The following CNTNAP2 variants were observed in gnomAD, a reference collection of about 807,000 sequenced individuals.
The protein encoded by CNTNAP2 is contactin-associated protein-like 2.
CNTNAP2 carries 98 observed loss-of-function variants against 155.2 expected under a neutral mutation model. The ratio of observed to expected loss-of-function variants is 0.63; its 90% CI spans 0.54 to 0.75. The LOEUF (loss-of-function observed/expected upper bound fraction) is 0.75. CNTNAP2 is among the 30% of genes least tolerant of loss of function. CNTNAP2 has a pLI of 0.00. For missense variants in CNTNAP2, 1,727 were observed against 1,688.1 expected, an observed-to-expected ratio of 1.02 and a Z score of -0.40; for synonymous variants, 651 against 631.2, an observed-to-expected ratio of 1.03 and a Z score of -0.47.
At chr7:147,746,978 A>G (rs1797053930) in intron 13 of CNTNAP2, among the ~76,000 whole-genome samples, 1 of 152,182 alleles carries the variant, frequency 6.6e-6, no homozygotes, top group African/African-American at 2.4e-5. Flanking sequence ...TAGCTGAGAT[A>G]TAAAGGTATG....
At chr7:146,876,683 C>T (rs1795435854) in intron 3 of CNTNAP2, among the ~76,000 whole-genome samples, 1 of 152,118 alleles carries the variant, frequency 6.6e-6, no homozygotes, top group Non-Finnish European at 1.5e-5. Flanking sequence ...CAAAATCGCC[C>T]TCCAGATCAC....
intron 3 of CNTNAP2, among the ~76,000 whole-genome samples, chr7:147,020,368 C>CTA (rs915686507): frequency 2.5e-4 from 38 of 152,182 alleles, no homozygotes; most frequent in African/African-American, 7.9e-4. Flanking sequence ...AATAGAAAGG[C>CTA]TACAGGGTTA....
At chr7:146,617,871 A>G (rs1799252683) in intron 1 of CNTNAP2, among the ~76,000 whole-genome samples, 1 of 152,196 alleles carries the variant, frequency 6.6e-6, no homozygotes, top group African/African-American at 2.4e-5. Context: ...TGACTATGAT[A>G]AAATACTCAA....
chr7:148,389,187 T>C (rs1799288926), intron 22 of CNTNAP2, among the ~76,000 whole-genome samples: 2 of 152,214 alleles, frequency 1.3e-5, no homozygotes, highest in South Asian at 4.1e-4. Flanking sequence ...ACTTTCCCAA[T>C]TGATACAGTT....
chr7:148,168,376 G>T (rs371966685), intron 17 of CNTNAP2, among the ~76,000 whole-genome samples: 2 of 152,024 alleles, frequency 1.3e-5, no homozygotes, highest in Middle Eastern at 3.2e-3. Context: ...GGAATACTAC[G>T]CAGCCATAAA....
intron 8 of CNTNAP2, among the ~76,000 whole-genome samples, chr7:147,291,603 C>T (rs540934025): frequency 1.3e-5 from 2 of 152,142 alleles, no homozygotes; most frequent in South Asian, 4.1e-4. Flanking sequence ...GTCAAGCATT[C>T]CTGTATGAGT....
At chr7:146,726,990 G>T (rs573172986) in intron 1 of CNTNAP2, among the ~76,000 whole-genome samples, 4 of 151,622 alleles carry the variant, frequency 2.6e-5, no homozygotes, top group African/African-American at 9.7e-5. Context: ...TTTTCTTGTC[G>T]GGGAATTATA....
chr7:146,270,325 C>A (rs929760542), intron 1 of CNTNAP2, among the ~76,000 whole-genome samples: 2 of 152,168 alleles, frequency 1.3e-5, no homozygotes, highest in East Asian at 1.9e-4. Flanking sequence ...ATGGCAGACA[C>A]TGAGTAGATA....
chr7:147,330,511 T>C (rs1479013277), intron 9 of CNTNAP2, among the ~76,000 whole-genome samples: 6 of 152,310 alleles, frequency 3.9e-5, no homozygotes, highest in South Asian at 2.1e-4. Context: ...GTTGGACTTA[T>C]GATTGGCATC....
At chr7:146,772,617 C>T (rs975590438) in intron 1 of CNTNAP2, among the ~76,000 whole-genome samples, 3 of 151,924 alleles carry the variant, frequency 2.0e-5, no homozygotes, top group Admixed American at 6.6e-5. Flanking sequence ...TGCAGTGAGC[C>T]GAGCTGGCGC....
intron 1 of CNTNAP2, among the ~76,000 whole-genome samples, chr7:146,645,516 A>T (rs1229033499): frequency 6.6e-6 from 1 of 152,180 alleles, no homozygotes; most frequent in African/African-American, 2.4e-5. Flanking sequence ...ATCAGGGAAC[A>T]TCCCTGTGGG....
intron 1 of CNTNAP2, among the ~76,000 whole-genome samples, chr7:146,580,458 G>A (rs1355583720): frequency 3.4e-5 from 4 of 116,414 alleles, no homozygotes; most frequent in Non-Finnish European, 7.1e-5. Flanking sequence ...AACAAATGAG[G>A]TATTATCCCC....
intron 15 of CNTNAP2, among the ~76,000 whole-genome samples, chr7:148,087,394 C>T (rs1256390996): frequency 6.6e-6 from 1 of 152,114 alleles, no homozygotes; most frequent in African/African-American, 2.4e-5. Flanking sequence ...TACCCTATTT[C>T]ATTTACCCTT....
chr7:146,522,067 A>G (rs528426050), intron 1 of CNTNAP2, among the ~76,000 whole-genome samples: 1 of 152,068 alleles, frequency 6.6e-6, no homozygotes, highest in South Asian at 2.1e-4. Flanking sequence ...GTTTTTTTCT[A>G]ATATTTTCTG....
At chr7:147,706,631 T>G (rs1330942141) in intron 13 of CNTNAP2, among the ~76,000 whole-genome samples, 4 of 152,182 alleles carry the variant, frequency 2.6e-5, no homozygotes, top group African/African-American at 9.6e-5. Context: ...ATTGTATTTG[T>G]ATGGGAACTT....
intron 11 of CNTNAP2, among the ~76,000 whole-genome samples, chr7:147,505,157 C>T (rs1424967869): frequency 6.6e-6 from 1 of 152,122 alleles, no homozygotes; most frequent in Admixed American, 6.5e-5. Flanking sequence ...TCTCAGCACT[C>T]TCCTGACATT....
intron 6 of CNTNAP2, chr7:147,121,382 T>C (rs940708185): frequency 6.2e-6 from 3 of 486,906 alleles, no homozygotes; most frequent in Admixed American, 3.6e-5. Flanking sequence ...TTAGTACCAA[T>C]GTAATAATTT....
intron 1 of CNTNAP2, among the ~76,000 whole-genome samples, chr7:146,625,614 C>A (rs896089634): frequency 1.3e-5 from 2 of 151,894 alleles, no homozygotes; most frequent in Admixed American, 1.3e-4. Context: ...ATAAAAGACG[C>A]ATTTTAAGAA....
intron 13 of CNTNAP2, among the ~76,000 whole-genome samples, chr7:147,782,021 TAAAAAA>T (rs11390927): frequency 4.4e-5 from 6 of 137,830 alleles, no homozygotes; most frequent in African/African-American, 5.4e-5. Context: ...AGATTCCGTT[TAAAAAA>T]AAAAAAAAAA....
Sources: gnomAD v4.1 joint callset for allele counts (sites outside exome capture counted in the v4.1 genomes callset) on GRCh38, gnomAD v4.1.1 for gene constraint, MANE v1.5 for transcripts, NCBI Gene and HGNC (gene_info 2026-07-23, HGNC 2026-07-21) for gene names.